Variants in ST14 observed in about 807,000 individuals in gnomAD.
ST14 encodes suppressor of tumorigenicity 14 protein.
In ST14, 40 loss-of-function variants were observed where a neutral mutation model predicts 96.5. That is an observed-to-expected ratio of 0.41 (90% CI 0.32 to 0.54). The LOEUF is 0.54. Among genes scored for constraint, ST14 ranks in the 20% least tolerant of loss-of-function variants. ST14 has a pLI of 0.17. For synonymous variants in ST14, 506 were observed against 492.1 expected (o/e 1.03, Z -0.37); for missense variants, 1,066 against 1,188.9 (o/e 0.90, Z 1.52).
At chr11:130,196,805 A>C (rs1259198623) in intron 11 of ST14, 105 bp downstream of exon 11, 2 of 1,541,186 alleles carry the variant, frequency 1.3e-6, no homozygotes, top group Non-Finnish European at 1.8e-6. Flanking sequence ...AAAATGCTGG[A>C]GAATGTAAGA....
At chr11:130,173,130 C>T (rs182155929) in intron 1 of ST14, among the ~76,000 whole-genome samples, 9 of 152,176 alleles carry the variant, frequency 5.9e-5, no homozygotes, top group Admixed American at 3.3e-4. Flanking sequence ...TAACCACTTA[C>T]GGCCTTCCAA....
At chr11:130,162,301 C>A (rs1434862887) in intron 1 of ST14, among the ~76,000 whole-genome samples, 1 of 152,138 alleles carries the variant, frequency 6.6e-6, no homozygotes, top group Non-Finnish European at 1.5e-5. Flanking sequence ...TGGTGTGAGC[C>A]CTGCCTGCAA....
At position 130,194,685 on chromosome 11, in the gene ST14, C is replaced by T. The variant is rs1428321054; in HGVS notation, c.1061C>T (p.Pro354Leu). 4 of 1,614,068 alleles carry T rather than the reference C, an allele frequency of 2.5e-6. No individual in the cohort carries two copies. Among genetic ancestry groups the T allele is most frequent in the Non-Finnish European group, 3.4e-6 (4 of 1,180,038 alleles). Reference protein sequence around the residue: ...LRKAQGTFNSPYYPGHYPPNI... With the variant: ...LRKAQGTFNSLYYPGHYPPNI... ...AAAGCCCAGGGGACATTCAACAGCCCCTACTACCCAGGCCACTACCCACCC... is the reference window on the plus strand; with the variant it reads ...AAAGCCCAGGGGACATTCAACAGCCTCTACTACCCAGGCCACTACCCACCC... The change falls in exon 9 of 19, where the codon CCC becomes CTC. Residue 354 changes from proline (P) to leucine (L), a missense_variant. Physicochemically the swap from Pro to Leu is moderately conservative, Grantham distance 98. Coordinates refer to ENST00000278742, the MANE Select transcript of ST14 (RefSeq NM_021978.4).
At chr11:130,176,140 T>A (rs1030710978) in intron 1 of ST14, among the ~76,000 whole-genome samples, 2 of 152,140 alleles carry the variant, frequency 1.3e-5, no homozygotes, top group Non-Finnish European at 2.9e-5. Flanking sequence ...TTGGCAAAAA[T>A]CTGTTCTCAG....
intron 9 of ST14, 33 bp downstream of exon 9, chr11:130,194,770 G>A (rs375936544): frequency 3.7e-6 from 6 of 1,603,218 alleles, no homozygotes; most frequent in African/African-American, 2.7e-5. Context: ...ACGTGTGTGT[G>A]TGTGAGCATG....
At position 130,188,586 on chromosome 11, in the gene ST14, A is replaced by G; in HGVS notation, c.298A>G (p.Asn100Asp). ...TGGCTACATGAGGATCACAAATGAG[A>G]ATTTTGTGGATGCCTACGAGAACTC... ...FNGYMRITNE[N>D]FVDAYENSNS... The change falls in exon 3 of 19, where the codon AAT (asparagine) becomes GAT (aspartate). Residue 100 changes from asparagine to aspartate, a missense_variant. Transcript: ENST00000278742. This position sits in a 1 kb window ranked among gnomAD's most constrained non-coding sequence, Gnocchi z 5.4. The G allele has an allele frequency of 6.2e-7, 1 of 1,614,166 alleles. No homozygotes were observed. Among genetic ancestry groups the G allele is most frequent in the South Asian group, 1.1e-5 (1 of 91,082 alleles).
At chr11:130,190,018 G>C in intron 5 of ST14, 95 bp from the exon 6 acceptor site, 1 of 1,610,468 alleles carries the variant, frequency 6.2e-7, no homozygotes. Flanking sequence ...AGAAGACTAC[G>C]TGCTGGCCGG....
intron 12 of ST14, 76 bp downstream of exon 12, chr11:130,198,021 A>G: frequency 6.9e-7 from 1 of 1,443,482 alleles, no homozygotes; most frequent in Non-Finnish European, 9.4e-7. Context: ...CTGCTGGCTG[A>G]CTGCCGAGGC....
At chr11:130,170,134 G>A (rs1953077440) in intron 1 of ST14, among the ~76,000 whole-genome samples, 1 of 152,186 alleles carries the variant, frequency 6.6e-6, no homozygotes, top group South Asian at 2.1e-4. Context: ...TGAGGACCAG[G>A]AGAGATCCGG....
rs1953276974 is a variant in ST14 at position 130,189,851 on chromosome 11, GCGCGCTCCCT to G, written c.554_563del (p.Ala185GlyfsTer38). On this transcript the variant is annotated frameshift_variant, in exon 5 of 19. Transcript: ENST00000278742. LOFTEE classifies it high-confidence loss of function. ...GCGCGTAGTCATGCTGCCCCCGCGG[GCGCGCTCCCT>G]GAAGTCCTTTGTGGTCACCTCAGTG... 1 of 1,613,790 alleles carries G rather than the reference GCGCGCTCCCT, an allele frequency of 6.2e-7. No homozygotes were observed. The highest frequency in any genetic ancestry group is 8.5e-7 in the Non-Finnish European group (1 of 1,179,950).
Position 130,188,572 on chromosome 11 carries a change from G to T in ST14, c.284G>T (p.Arg95Met). 6.2e-7 allele frequency: 1 copy of T among 1,614,230 alleles called. No individual in the cohort carries two copies. Among genetic ancestry groups the T allele is most frequent in the Non-Finnish European group, 8.5e-7 (1 of 1,180,048 alleles). Residue 95 changes from arginine (R) to methionine (M), a missense_variant, in exon 3 of 19, where the codon AGG becomes ATG. Coordinates refer to ENST00000278742, the MANE Select transcript of ST14 (RefSeq NM_021978.4). The surrounding 1 kb of genome is among the most constrained non-coding windows in gnomAD (Gnocchi z 5.4). ...RVQKVFNGYMRITNENFVDAY... is the reference protein window; with the variant it reads ...RVQKVFNGYMMITNENFVDAY... ...CAGAAGGTCTTCAATGGCTACATGA[G>T]GATCACAAATGAGAATTTTGTGGAT...
rs1313949848 is a variant in ST14 at position 130,177,622 on chromosome 11, G to A, written c.82-10492G>A. The stretch of plus-strand genomic sequence containing the variant: ...CATCTCCTAAGTTGAGACCATGCTT[G>A]CTATGAGCCTTTCTGGCCCCACTAG... On this transcript the variant is annotated intron_variant, in intron 1 of 18. Transcript: ENST00000278742. Among the ~76,000 whole-genome samples the A allele has an allele frequency of 2.0e-5, 3 of 152,320 alleles. No individual in the cohort carries two copies. In the East Asian group the frequency reaches 5.8e-4, roughly 29 times the overall value.
rs539507222 is a variant in ST14 at position 130,190,154 on chromosome 11, T to C, written c.634+6T>C. On this transcript the variant is annotated splice_donor_region_variant and intron_variant, in intron 6 of 18. Coordinates refer to ENST00000278742, the MANE Select transcript of ST14 (RefSeq NM_021978.4). Reference sequence around the variant, plus strand: ...AGTACAGAGGACCCAGGACAGTAAGTATCGTGCCCGCCTCCTCTTCTGGGT... The same window carrying C: ...AGTACAGAGGACCCAGGACAGTAAGCATCGTGCCCGCCTCCTCTTCTGGGT... The C allele has an allele frequency of 1.2e-6, 2 of 1,614,202 alleles. No individual in the cohort carries two copies. The highest frequency in any genetic ancestry group is 4.5e-5 in the East Asian group (2 of 44,872).
rs763830524 is a variant in ST14, at chr11:130,188,886, C to A, written c.387C>A (p.Ser129Arg). The change falls in exon 4 of 19, where the codon AGC becomes AGA. Residue 129 changes from serine to arginine, a missense_variant. Physicochemically the swap from Ser to Arg is moderately radical, Grantham distance 110. Transcript: ENST00000278742. This position sits in a 1 kb window ranked among gnomAD's most constrained non-coding sequence, Gnocchi z 5.4. ...KVKDALKLLY[S>R]GVPFLGPYHK... ...TTCCTCAGCTGAAGCTGCTGTACAG[C>A]GGAGTCCCATTCCTGGGCCCCTACC... The A allele has an allele frequency of 6.2e-7, 1 of 1,613,010 alleles. No individual in the cohort carries two copies. Among genetic ancestry groups the A allele is most frequent in the Admixed American group, 1.7e-5 (1 of 59,830 alleles).
At chr11:130,198,192 T>C in intron 12 of ST14, 116 bp from the exon 13 acceptor site, 1 of 1,073,362 alleles carries the variant, frequency 9.3e-7, no homozygotes, top group Admixed American at 1.7e-5. Context: ...GCAGGGCCCC[T>C]TGGGCCTCTC....
chr11:130,197,062 C>T (rs2324002), intron 11 of ST14, among the ~76,000 whole-genome samples: 105,518 of 152,086 alleles, frequency 0.69, 36,944 homozygotes, highest in East Asian at 0.93. Flanking sequence ...TTAGGATTCA[C>T]AGTGTAATTC....
chr11:130,196,609 C>G lies in ST14; in HGVS notation c.1263C>G (p.Asn421Lys). ...GGTCCCAGTTCGTCGTCACCAGCAA[C>G]AGCAACAAGATCACAGTTCGCTTCC... is the stretch of plus-strand genomic sequence containing the variant. ...GERSQFVVTS[N>K]SNKITVRFHS... is the part of the protein sequence containing the mutation. Residue 421 changes from asparagine (N) to lysine (K), a missense_variant, in exon 11 of 19, where the codon AAC (asparagine) becomes AAG (lysine). Coordinates refer to ENST00000278742, the MANE Select transcript of ST14 (RefSeq NM_021978.4). 1 of 1,611,644 alleles carries G rather than the reference C, an allele frequency of 6.2e-7. No homozygotes were observed. Among genetic ancestry groups the G allele is most frequent in the Non-Finnish European group, 8.5e-7 (1 of 1,179,144 alleles).
chr11:130,159,883 C>A lies in ST14; in HGVS notation c.-97C>A. The stretch of plus-strand genomic sequence containing the variant: ...GGGCGCGCTGGGCCTGCCCGGAATC[C>A]CGCCGCCTGCGCCCCGCGCCCCGCG... On this transcript the variant is annotated 5_prime_UTR_variant, in exon 1 of 19. Coordinates refer to ENST00000278742, the MANE Select transcript of ST14 (RefSeq NM_021978.4). The A allele has an allele frequency of 5.7e-6, 4 of 706,188 alleles. No homozygotes were observed. Among genetic ancestry groups the A allele is most frequent in the Non-Finnish European group, 7.6e-6 (4 of 525,422 alleles). 43.7% of individuals were successfully genotyped at this position (706,188 alleles called of 1,614,324 possible). A position where few individuals can be genotyped will look rare whatever the true frequency, so the allele number is the denominator to read the frequency against.
chr11:130,194,562 C>T (rs1565625511), intron 8 of ST14, 78 bp from the exon 9 acceptor site: 3 of 1,468,520 alleles, frequency 2.0e-6, no homozygotes, highest in Non-Finnish European at 2.9e-6. Context: ...CTCCAGGCCT[C>T]AGGCTGCAGA....
Sources: gnomAD v4.1 joint callset for allele counts (sites outside exome capture counted in the v4.1 genomes callset) on GRCh38, gnomAD v4.1.1 for gene constraint, Gnocchi (gnomAD v3.1) non-coding constraint, MANE v1.5 for transcripts, NCBI Gene and HGNC (gene_info 2026-07-23, HGNC 2026-07-21) for gene names.